ANTXRL: variants seen among roughly 807,000 people sequenced by gnomAD.
The protein encoded by ANTXRL is anthrax toxin receptor-like.
In ANTXRL, 63 loss-of-function variants were observed where a neutral mutation model predicts 75.4. That is an observed-to-expected ratio of 0.84 (90% CI 0.68 to 1.03). ANTXRL has a LOEUF of 1.03. Ranked by LOEUF, ANTXRL falls within the 50% of genes least tolerant of loss-of-function variation. The pLI, the probability that ANTXRL is intolerant of heterozygous loss-of-function variation, is 0.00. For synonymous variants in ANTXRL, 335 were observed against 291.3 expected (o/e 1.15, Z -1.53); for missense variants, 797 against 789.4 (o/e 1.01, Z -0.12).
chr10:46,290,278 G>A (rs12354617), intron 1 of ANTXRL, among the ~76,000 whole-genome samples: 3 of 151,390 alleles, frequency 2.0e-5, no homozygotes, highest in Non-Finnish European at 2.9e-5. Flanking sequence ...TCCTGACCTC[G>A]TGATTCCCCG....
At position 46,313,269 on chromosome 10, in the gene ANTXRL, GCAAGCTGCCAC is replaced by G. The variant is rs782722168; in HGVS notation, c.1366_1376del (p.Ser456GlyfsTer139). ...GGATACCTTTTGTGACCTCTCTCAC[GCAAGCTGCCAC>G]CAGGTGCCATGGATGTGTTGTCAGA... On this transcript the variant is annotated frameshift_variant, in exon 16 of 17. Transcript: ENST00000620264. LOFTEE classifies it high-confidence loss of function. 12 of 1,535,616 alleles carry G rather than the reference GCAAGCTGCCAC, an allele frequency of 7.8e-6. No homozygotes were observed. The highest frequency in any genetic ancestry group is 9.6e-6 in the Non-Finnish European group (11 of 1,146,482).
chr10:46,298,117 C>T lies in ANTXRL; in HGVS notation c.796+55C>T, dbSNP rs73289399. 317,629 of 956,344 alleles carry T rather than the reference C, an allele frequency of 0.33. 57,497 individuals carry two copies. The highest frequency in any genetic ancestry group is 0.38 in the Admixed American group (16,146 of 42,546). 59.2% of individuals were successfully genotyped at this position (956,344 alleles called of 1,614,324 possible). A position where few individuals can be genotyped will look rare whatever the true frequency, so the allele number is the denominator to read the frequency against. On this transcript the variant is annotated intron_variant, in intron 9 of 16. Transcript: ENST00000620264. ...AAAGGGTGGTGTGCATGAGTGCATG[C>T]GTGTATGGAGTGTGTGCATTTGTTT...
intron 1 of ANTXRL, among the ~76,000 whole-genome samples, chr10:46,290,799 G>A (rs1259017577): frequency 7.3e-5 from 11 of 151,580 alleles, no homozygotes; most frequent in African/African-American, 2.4e-4. Context: ...TTTCTTTTTC[G>A]TTGTTGTTGT....
At chr10:46,322,229 G>A (rs1839011820) in intron 16 of ANTXRL, among the ~76,000 whole-genome samples, 1 of 152,066 alleles carries the variant, frequency 6.6e-6, no homozygotes, top group Non-Finnish European at 1.5e-5. Context: ...TGTCCAAAAG[G>A]AAGGTGGATC....
Position 46,297,891 on chromosome 10 carries a change from C to T in ANTXRL, c.715C>T (p.Leu239=). Residue 239 remains leucine (L), a synonymous_variant, in exon 8 of 17, where the codon CTG becomes TTG. Transcript: ENST00000620264. ...VFAVENGFKA[L]RSTIDALTSK... ...TGCAGTGGAGAATGGCTTCAAGGCC[C>T]TGAGAAGCACCATTGATGCCGTGAG... 1 of 1,535,908 alleles carries T rather than the reference C, an allele frequency of 6.5e-7. No homozygotes were observed. Among genetic ancestry groups the T allele is most frequent in the Non-Finnish European group, 8.7e-7 (1 of 1,146,746 alleles).
At chr10:46,315,340 C>T (rs1308920324) in intron 16 of ANTXRL, among the ~76,000 whole-genome samples, 7 of 152,206 alleles carry the variant, frequency 4.6e-5, no homozygotes, top group Admixed American at 6.5e-5. Context: ...AGTGAGAACC[C>T]GCTGGAGACC....
At chr10:46,306,433 G>C (rs574983042) in intron 10 of ANTXRL, among the ~76,000 whole-genome samples, 4 of 152,180 alleles carry the variant, frequency 2.6e-5, no homozygotes, top group Non-Finnish European at 4.4e-5. Flanking sequence ...GATAGGAGAA[G>C]TCATGCATAA....
At chr10:46,288,116 C>A (rs1332598986) in intron 1 of ANTXRL, among the ~76,000 whole-genome samples, 2 of 152,124 alleles carry the variant, frequency 1.3e-5, no homozygotes, top group African/African-American at 4.8e-5. Context: ...CACCTTCTGG[C>A]TCACCAGGAA....
At chr10:46,304,516 T>G (rs1194910315) in intron 10 of ANTXRL, among the ~76,000 whole-genome samples, 1 of 152,140 alleles carries the variant, frequency 6.6e-6, no homozygotes, top group Admixed American at 6.5e-5. Flanking sequence ...AAGTATTTTT[T>G]TGTGTTAAGT....
intron 10 of ANTXRL, among the ~76,000 whole-genome samples, chr10:46,303,280 G>C (rs1187017319): frequency 2.0e-5 from 3 of 152,208 alleles, no homozygotes; most frequent in Admixed American, 6.5e-5. Context: ...ATGCCAGCCT[G>C]TAGGCCTGGG....
Position 46,307,492 on chromosome 10 carries a change from C to G in ANTXRL, c.1044+12C>G. On this transcript the variant is annotated intron_variant, in intron 12 of 16. Transcript: ENST00000620264. ...CCAGCACCACATGTGTGAGTACCAG[C>G]ATGGGGCTGCAAACATGTATGAGGA... The G allele has an allele frequency of 6.5e-7, 1 of 1,533,384 alleles. No homozygotes were observed. The highest frequency in any genetic ancestry group is 8.7e-7 in the Non-Finnish European group (1 of 1,144,230). 95.0% of individuals were successfully genotyped at this position (1,533,384 alleles called of 1,614,324 possible).
In ANTXRL at chr10:46,296,217, A is replaced by G; in HGVS notation, c.475-2A>G. On this transcript the variant is annotated splice_acceptor_variant, in intron 4 of 16. Coordinates refer to ENST00000620264, the MANE Select transcript of ANTXRL (RefSeq NM_001278688.3). LOFTEE classifies it high-confidence loss of function. ...GCTCAATATTTCTTCATTTTCTTGC[A>G]GGCAATTCAACAGATCGAAAGTTTC... The G allele has an allele frequency of 6.5e-7, 1 of 1,535,862 alleles. No individual in the cohort carries two copies. The highest frequency in any genetic ancestry group is 8.7e-7 in the Non-Finnish European group (1 of 1,146,744).
intron 15 of ANTXRL, 73 bp downstream of exon 15, chr10:46,311,738 A>T (rs1223244698): frequency 1.5e-6 from 1 of 657,056 alleles, no homozygotes; most frequent in African/African-American, 1.8e-5. Context: ...GATGGGTCCC[A>T]CTGTGGAGAC....
chr10:46,308,786 C>A, intron 12 of ANTXRL: 1 of 396,794 alleles, frequency 2.5e-6, no homozygotes. Context: ...GTGCCTGCAC[C>A]TCCACCCTCA....
At chr10:46,290,045 CTTT>C (rs34276033) in intron 1 of ANTXRL, among the ~76,000 whole-genome samples, 10 of 119,644 alleles carry the variant, frequency 8.4e-5, no homozygotes, top group African/African-American at 1.6e-4. Context: ...TTTTCTTTAT[CTTT>C]TTTTTTTTTT....
Position 46,295,269 on chromosome 10 carries a change from G to A in ANTXRL, c.393-750G>A, listed in dbSNP as rs1228164215. Among the ~76,000 whole-genome samples, 3 of 152,192 alleles carry A rather than the reference G, an allele frequency of 2.0e-5. No individual in the cohort carries two copies. In the East Asian group the frequency reaches 5.8e-4, roughly 29 times the overall value. ...CTGGGGTCATTGGGCTGGGTGCAGG[G>A]CTGGTGGCTTAGCAGGATGACTTTT... On this transcript the variant is annotated intron_variant, in intron 3 of 16. Transcript: ENST00000620264.
intron 1 of ANTXRL, among the ~76,000 whole-genome samples, 166 bp from the exon 2 acceptor site, chr10:46,291,892 C>T (rs1385562960): frequency 6.6e-6 from 1 of 152,144 alleles, no homozygotes. Flanking sequence ...TGGTGAAACT[C>T]ATGACCTCGG....
intron 9 of ANTXRL, among the ~76,000 whole-genome samples, chr10:46,302,033 A>G (rs1337967551): frequency 6.6e-6 from 1 of 152,190 alleles, no homozygotes; most frequent in Non-Finnish European, 1.5e-5. Flanking sequence ...GAGCCTCAGG[A>G]TGGGTGCCCT....
At chr10:46,312,257 G>A (rs1554963719) in intron 15 of ANTXRL, among the ~76,000 whole-genome samples, 1 of 151,060 alleles carries the variant, frequency 6.6e-6, no homozygotes, top group Non-Finnish European at 1.5e-5. Flanking sequence ...GGAGGAGGTG[G>A]AGGCCTGAAA....
Sources: allele counts gnomAD v4.1 joint callset (sites outside exome capture counted in the v4.1 genomes callset), GRCh38; gene constraint gnomAD v4.1.1; transcripts MANE v1.5; gene names NCBI Gene and HGNC (gene_info 2026-07-23, HGNC 2026-07-21).